The following CWC22 variants were observed in gnomAD, a reference collection of about 807,000 sequenced individuals.
CWC22 encodes pre-mRNA-splicing factor CWC22 homolog.
Under a neutral mutation model 117.2 loss-of-function variants are expected in CWC22, and 53 were observed. That is an observed-to-expected ratio of 0.45 (90% CI 0.36 to 0.57). CWC22 has a LOEUF of 0.57. Ranked by LOEUF, CWC22 falls within the 20% of genes least tolerant of loss-of-function variation. CWC22 has a pLI of 0.00. For missense variants in CWC22, 980 were observed against 1,068.8 expected (o/e 0.92, Z 1.16); for synonymous variants, 360 against 355.6 (o/e 1.01, Z -0.14).
intron 13 of CWC22, among the ~76,000 whole-genome samples, chr2:179,961,046 C>G (rs554161419): frequency 7.9e-5 from 12 of 152,098 alleles, no homozygotes; most frequent in Admixed American, 7.2e-4. Context: ...ACTACTTTTA[C>G]AAGTTAGCTT....
intron 13 of CWC22, among the ~76,000 whole-genome samples, chr2:179,963,029 G>C (rs2105519501): frequency 6.6e-6 from 1 of 152,158 alleles, no homozygotes; most frequent in East Asian, 1.9e-4. Flanking sequence ...ACTGCTACTA[G>C]GACTGACACC....
rs137968024 is a variant in CWC22, at chr2:180,003,521, G to A, written c.-114+3346C>T. ...CCTGGTTATTTAATTAGAGAGCCACGTAGTAAACCACATTCTGGTTTAAAG... is the reference window on the plus strand; with the variant it reads ...CCTGGTTATTTAATTAGAGAGCCACATAGTAAACCACATTCTGGTTTAAAG... On this transcript the variant is annotated intron_variant, in intron 1 of 19. Transcript: ENST00000410053. Among the ~76,000 whole-genome samples the A allele has an allele frequency of 5.3e-3, 811 of 152,250 alleles. 3 individuals carry two copies. Among genetic ancestry groups the A allele is most frequent in the Non-Finnish European group, 9.2e-3 (623 of 68,026 alleles).
chr2:179,991,226 T>C (rs1022523771), intron 2 of CWC22, among the ~76,000 whole-genome samples: 2 of 152,068 alleles, frequency 1.3e-5, no homozygotes, highest in African/African-American at 4.8e-5. Flanking sequence ...TCCACTAGAC[T>C]TTAAAAGAAA....
chr2:179,973,858 G>T, intron 6 of CWC22, 56 bp from the exon 7 acceptor site: 1 of 1,025,322 alleles, frequency 9.8e-7, no homozygotes, highest in East Asian at 2.7e-5. Flanking sequence ...TTAATTAAAC[G>T]AAACAAAAAC....
intron 5 of CWC22, among the ~76,000 whole-genome samples, chr2:179,981,293 C>A (rs913502403): frequency 6.6e-6 from 1 of 152,070 alleles, no homozygotes; most frequent in African/African-American, 2.4e-5. Context: ...TAAGTAGCAA[C>A]AACAGAGACA....
intron 7 of CWC22, 110 bp from the exon 8 acceptor site, chr2:179,973,356 A>T: frequency 1.3e-6 from 1 of 749,176 alleles, no homozygotes; most frequent in South Asian, 1.9e-5. Flanking sequence ...CCACACAAGT[A>T]TAATTTTTAC....
intron 13 of CWC22, among the ~76,000 whole-genome samples, chr2:179,961,274 G>A (rs1686741647): frequency 6.6e-6 from 1 of 151,828 alleles, no homozygotes; most frequent in Admixed American, 6.6e-5. Context: ...GCATTTCTGT[G>A]GAATGACCAC....
chr2:180,000,240 A>G (rs10497555), intron 1 of CWC22, among the ~76,000 whole-genome samples: 24,642 of 152,144 alleles, frequency 0.16, 2,126 homozygotes, highest in East Asian at 0.27. Flanking sequence ...AAGAAAATAA[A>G]AGGGTCAAAA....
chr2:179,973,578 C>A lies in CWC22; in HGVS notation c.750+56G>T, dbSNP rs193148490. The A allele has an allele frequency of 2.6e-4, 289 of 1,125,784 alleles. 4 individuals carry two copies. In the African/African-American group the frequency reaches 4.0e-3, roughly 15 times the overall value. 69.7% of individuals were successfully genotyped at this position (1,125,784 alleles called of 1,614,324 possible). On this transcript the variant is annotated intron_variant, in intron 7 of 19. Transcript: ENST00000410053. Reference sequence around the variant, plus strand: ...TCAACCTTGCTTACTTTTGTTGATACTGGTTTGTTAGTTTGTTCCTATGTA... The same window carrying A: ...TCAACCTTGCTTACTTTTGTTGATAATGGTTTGTTAGTTTGTTCCTATGTA...
chr2:179,949,277 C>G (rs1228402743), intron 19 of CWC22, among the ~76,000 whole-genome samples: 4 of 152,206 alleles, frequency 2.6e-5, no homozygotes, highest in South Asian at 4.1e-4. Context: ...ATTTGCAATA[C>G]ATATATGTAC....
intron 1 of CWC22, 109 bp downstream of exon 1, chr2:180,006,758 A>C (rs1687989440): frequency 6.6e-6 from 1 of 152,308 alleles, no homozygotes; most frequent in Non-Finnish European, 1.5e-5. Flanking sequence ...ACAAGAAACA[A>C]CACAGCACCA....
At chr2:179,958,330 C>A (rs78403346) in intron 14 of CWC22, among the ~76,000 whole-genome samples, 706 of 92,494 alleles carry the variant, frequency 7.6e-3, no homozygotes, top group African/African-American at 0.011. Flanking sequence ...GACTCTGGCT[C>A]AAAAAAAAAA....
chr2:180,006,192 A>G (rs938168664), intron 1 of CWC22, among the ~76,000 whole-genome samples: 1 of 152,236 alleles, frequency 6.6e-6, no homozygotes, highest in Non-Finnish European at 1.5e-5. Flanking sequence ...AAAAATGCAA[A>G]GGAAACTCTT....
At chr2:179,983,054 G>C (rs1264485595) in intron 4 of CWC22, among the ~76,000 whole-genome samples, 1 of 152,162 alleles carries the variant, frequency 6.6e-6, no homozygotes, top group Non-Finnish European at 1.5e-5. Flanking sequence ...AGATTGAAAA[G>C]CAGTCATCTT....
At chr2:179,976,522 G>A (rs914317009) in intron 6 of CWC22, among the ~76,000 whole-genome samples, 15 of 152,002 alleles carry the variant, frequency 9.9e-5, no homozygotes, top group African/African-American at 3.4e-4. Flanking sequence ...ACCTGATAAG[G>A]GGTTAATATC....
chr2:180,005,315 C>A (rs1473381556), intron 1 of CWC22, among the ~76,000 whole-genome samples: 1 of 152,194 alleles, frequency 6.6e-6, no homozygotes, highest in Non-Finnish European at 1.5e-5. Context: ...CGGTGGCTCA[C>A]GCCTGTAATC....
intron 1 of CWC22, among the ~76,000 whole-genome samples, chr2:180,001,378 C>A (rs1313776438): frequency 6.6e-6 from 1 of 150,554 alleles, no homozygotes; most frequent in Admixed American, 6.6e-5. Context: ...CAGGCTGGAG[C>A]GCAGTGGCAT....
chr2:179,955,156 T>C, intron 14 of CWC22, 122 bp from the exon 15 acceptor site: 1 of 699,192 alleles, frequency 1.4e-6, no homozygotes, highest in Non-Finnish European at 2.4e-6. Flanking sequence ...GTTCAAAAAT[T>C]TTGTAAATAA....
chr2:179,962,774 G>T (rs1476498613), intron 13 of CWC22, among the ~76,000 whole-genome samples: 2 of 151,976 alleles, frequency 1.3e-5, no homozygotes, highest in Non-Finnish European at 2.9e-5. Flanking sequence ...TAGCAGGGTG[G>T]CTATAGCAAA....
Sources: gnomAD v4.1 joint callset for allele counts (sites outside exome capture counted in the v4.1 genomes callset) on GRCh38, gnomAD v4.1.1 for gene constraint, MANE v1.5 for transcripts, NCBI Gene and HGNC (gene_info 2026-07-23, HGNC 2026-07-21) for gene names.